The following SLC44A1 variants were observed in gnomAD, a reference collection of about 807,000 sequenced individuals.
SLC44A1 encodes the protein solute carrier family 44 member 1, also known as choline transporter-like protein 1.
In SLC44A1, 26 loss-of-function variants were observed where a neutral mutation model predicts 79.3. The ratio of observed to expected loss-of-function variants is 0.33; its 90% CI spans 0.24 to 0.46. The LOEUF (loss-of-function observed/expected upper bound fraction) is 0.46. Among genes scored for constraint, SLC44A1 ranks in the 20% least tolerant of loss-of-function variants. The pLI is 1.00. For missense variants in SLC44A1, 688 were observed against 798.1 expected, an observed-to-expected ratio of 0.86 and a Z score of 1.66; for synonymous variants, 263 against 286.2, an observed-to-expected ratio of 0.92 and a Z score of 0.82.
At chr9:105,271,242 T>A (rs747320520) in intron 1 of SLC44A1, among the ~76,000 whole-genome samples, 7 of 152,218 alleles carry the variant, frequency 4.6e-5, no homozygotes, top group Admixed American at 2.6e-4. Flanking sequence ...TTGTTAGGCT[T>A]GTTAATTTTC....
chr9:105,354,087 G>A (rs921293689), intron 5 of SLC44A1, among the ~76,000 whole-genome samples: 7 of 107,110 alleles, frequency 6.5e-5, no homozygotes, highest in Non-Finnish European at 1.0e-4. Flanking sequence ...GTCTCTCTCT[G>A]TCGCCCAGGC....
chr9:105,335,999 A>C (rs1385776664), intron 4 of SLC44A1, among the ~76,000 whole-genome samples: 1 of 151,992 alleles, frequency 6.6e-6, no homozygotes, highest in Non-Finnish European at 1.5e-5. Flanking sequence ...TTACTAAACC[A>C]CTCTATGTAA....
intron 15 of SLC44A1, among the ~76,000 whole-genome samples, chr9:105,415,924 T>C (rs903091326): frequency 5.1e-5 from 7 of 138,002 alleles, no homozygotes; most frequent in Admixed American, 7.9e-5. Context: ...TTTTTTGAGA[T>C]AGTATCTTGC....
intron 4 of SLC44A1, among the ~76,000 whole-genome samples, chr9:105,344,145 TATTA>T (rs1221386266): frequency 1.3e-5 from 2 of 152,204 alleles, no homozygotes; most frequent in African/African-American, 4.8e-5. Flanking sequence ...GAGACTTTCT[TATTA>T]ATTGCAAATT....
At chr9:105,250,875 T>G (rs1014911408) in intron 1 of SLC44A1, among the ~76,000 whole-genome samples, 3 of 152,166 alleles carry the variant, frequency 2.0e-5, no homozygotes, top group African/African-American at 7.2e-5. Flanking sequence ...AAAAAAAGTT[T>G]TTTTTTCTGT....
chr9:105,295,410 A>G (rs147945925), intron 1 of SLC44A1, among the ~76,000 whole-genome samples: 351 of 152,382 alleles, frequency 2.3e-3, no homozygotes, highest in African/African-American at 7.5e-3. Flanking sequence ...AGAAAGGGGT[A>G]AAATCACATT....
intron 13 of SLC44A1, among the ~76,000 whole-genome samples, chr9:105,382,596 T>G (rs1017925442): frequency 6.6e-6 from 1 of 152,236 alleles, no homozygotes; most frequent in Non-Finnish European, 1.5e-5. Context: ...GTTACATGTA[T>G]TTTAAATCAC....
At position 105,393,642 on chromosome 9, in the gene SLC44A1, C is replaced by A; in HGVS notation, c.*4586C>A. The A allele has an allele frequency of 1.0e-6, 1 of 983,802 alleles. No individual in the cohort carries two copies. Among genetic ancestry groups the A allele is most frequent in the Non-Finnish European group, 1.2e-6 (1 of 828,534 alleles). The allele number at this position is 983,802 out of a possible 1,614,324, so 60.9% of individuals were successfully genotyped here. A position where few individuals can be genotyped will look rare whatever the true frequency, so the allele number is the denominator to read the frequency against. On this transcript the variant is annotated 3_prime_UTR_variant, in exon 16 of 16. Coordinates refer to ENST00000374720, the MANE Select transcript of SLC44A1 (RefSeq NM_080546.5). ...AGAAATACTGTAGTGCCCTTTCTTCCCATCTTGATTTTGTACATGTAAAGA... is the reference window on the plus strand; with the variant it reads ...AGAAATACTGTAGTGCCCTTTCTTCACATCTTGATTTTGTACATGTAAAGA...
In SLC44A1 at chr9:105,390,430, C is replaced by CAAAAAAAAAAAAAAAAAAA. The variant is rs34048538; in HGVS notation, c.*1377_*1395dup. 8 of 688,818 alleles carry CAAAAAAAAAAAAAAAAAAA rather than the reference C, an allele frequency of 1.2e-5. 2 individuals are homozygous for CAAAAAAAAAAAAAAAAAAA. Among genetic ancestry groups the CAAAAAAAAAAAAAAAAAAA allele is most frequent in the African/African-American group, 2.9e-5 (1 of 34,840 alleles). 42.7% of individuals were successfully genotyped at this position (688,818 alleles called of 1,614,324 possible). A position where few individuals can be genotyped will look rare whatever the true frequency, so the allele number is the denominator to read the frequency against. On this transcript the variant is annotated 3_prime_UTR_variant, in exon 16 of 16. Coordinates refer to ENST00000374720, the MANE Select transcript of SLC44A1 (RefSeq NM_080546.5). ...TATTGCACTAAATACAGGCTCTGTA[C>CAAAAAAAAAAAAAAAAAAA]AAAAAAAAAAAAAAAAAAAAAGCCT...
At chr9:105,382,600 AAATCACTCATAAAATGAAATT>A (rs1164117922) in intron 13 of SLC44A1, among the ~76,000 whole-genome samples, 1 of 152,240 alleles carries the variant, frequency 6.6e-6, no homozygotes, top group Non-Finnish European at 1.5e-5. Context: ...CATGTATTTT[AAATCACTCATAAAATGAAATT>A]ATGTAGCTGA....
At chr9:105,288,238 T>C (rs1830520038) in intron 1 of SLC44A1, among the ~76,000 whole-genome samples, 1 of 152,212 alleles carries the variant, frequency 6.6e-6, no homozygotes, top group African/African-American at 2.4e-5. Context: ...TTTATGACTT[T>C]AATATCCCAG....
At chr9:105,333,072 C>A (rs184435691) in intron 3 of SLC44A1, among the ~76,000 whole-genome samples, 23 of 152,262 alleles carry the variant, frequency 1.5e-4, no homozygotes, top group African/African-American at 4.8e-4. Context: ...TGCCCAGTCA[C>A]TAGCATAAAT....
intron 1 of SLC44A1, among the ~76,000 whole-genome samples, chr9:105,256,175 C>A (rs1004662785): frequency 6.6e-6 from 1 of 151,830 alleles, no homozygotes; most frequent in Non-Finnish European, 1.5e-5. Flanking sequence ...ACCATGCCTG[C>A]TAATTTTTGT....
At chr9:105,385,978 T>C in intron 15 of SLC44A1, 4 of 985,428 alleles carry the variant, frequency 4.1e-6, no homozygotes, top group Non-Finnish European at 4.8e-6. Context: ...CCTTTTCCCT[T>C]GGCTGACTTT....
At chr9:105,296,076 A>AT (rs1178625347) in intron 1 of SLC44A1, among the ~76,000 whole-genome samples, 2 of 152,188 alleles carry the variant, frequency 1.3e-5, no homozygotes, top group Non-Finnish European at 2.9e-5. Context: ...GTAAAAGGAT[A>AT]TTTTAATAAC....
downstream of SLC44A1, among the ~76,000 whole-genome samples, chr9:105,397,888 C>T (rs1032684055): frequency 1.3e-5 from 2 of 151,904 alleles, no homozygotes; most frequent in Non-Finnish European, 2.9e-5. Context: ...GCGGAGCTTG[C>T]AGTGAGCCAA....
rs189389500 is a variant in SLC44A1 at position 105,295,648 on chromosome 9, A to G, written c.37-3572A>G. Among the ~76,000 whole-genome samples the G allele has an allele frequency of 1.2e-3, 190 of 152,308 alleles. 2 individuals are homozygous for G. The highest frequency in any genetic ancestry group is 1.4e-3 in the Non-Finnish European group (95 of 68,030). Reference sequence around the variant, plus strand: ...TTTAAAATTATTGAGTTGGCTCCCAAATTTTTCAATGTGAGGAGAAACTAA... The same window carrying G: ...TTTAAAATTATTGAGTTGGCTCCCAGATTTTTCAATGTGAGGAGAAACTAA... On this transcript the variant is annotated intron_variant, in intron 1 of 15. Coordinates refer to ENST00000374720, the MANE Select transcript of SLC44A1 (RefSeq NM_080546.5).
chr9:105,308,699 C>T (rs1228669106), intron 2 of SLC44A1, among the ~76,000 whole-genome samples: 1 of 152,152 alleles, frequency 6.6e-6, no homozygotes, highest in Non-Finnish European at 1.5e-5. Context: ...AAGTACTACT[C>T]GTGATACTTG....
At position 105,396,114 on chromosome 9, in the gene SLC44A1, T is replaced by C. The variant is rs1828871285; in HGVS notation, c.*7058T>C. The C allele has an allele frequency of 2.7e-5, 27 of 985,412 alleles. No homozygotes were observed. The highest frequency in any genetic ancestry group is 3.3e-5 in the Non-Finnish European group (27 of 829,934). The allele number at this position is 985,412 out of a possible 1,614,324, so 61.0% of individuals were successfully genotyped here. ...ATGATCACATGGGGACAGTTAACTT[T>C]TCTTCTGCTGTGTTGCCTTAATGCT... is the stretch of plus-strand genomic sequence containing the variant. On this transcript the variant is annotated 3_prime_UTR_variant, in exon 16 of 16. Coordinates refer to ENST00000374720, the MANE Select transcript of SLC44A1 (RefSeq NM_080546.5).
Sources: allele counts gnomAD v4.1 joint callset (sites outside exome capture counted in the v4.1 genomes callset), GRCh38; gene constraint gnomAD v4.1.1; transcripts MANE v1.5; gene names NCBI Gene and HGNC (gene_info 2026-07-23, HGNC 2026-07-21).